The following LDLRAD3 variants were observed in gnomAD, a reference collection of about 807,000 sequenced individuals.
The protein encoded by LDLRAD3 is low density lipoprotein receptor class A domain containing 3.
Under a neutral mutation model 29.4 loss-of-function variants are expected in LDLRAD3, and 20 were observed. The ratio of observed to expected loss-of-function variants is 0.68; its 90% CI spans 0.48 to 0.99. The LOEUF is 0.99. Among genes scored for constraint, LDLRAD3 ranks in the 50% least tolerant of loss-of-function variants. The pLI is 0.00. For missense variants in LDLRAD3, 420 were observed against 454.3 expected (o/e 0.92, Z 0.69); for synonymous variants, 157 against 192.7 (o/e 0.81, Z 1.53).
chr11:36,229,395 T>C lies in LDLRAD3; in HGVS notation c.1036T>C (p.Ter346GlnextTer14). The C allele has an allele frequency of 1.2e-6, 2 of 1,601,306 alleles. No individual in the cohort carries two copies. Among genetic ancestry groups the C allele is most frequent in the Non-Finnish European group, 1.7e-6 (2 of 1,169,320 alleles). Residue 346 changes from the stop codon to glutamine, a stop_lost, in exon 6 of 6, where the codon TAA (stop) becomes CAA (glutamine). Coordinates refer to ENST00000315571, the MANE Select transcript of LDLRAD3 (RefSeq NM_174902.4). ...SEPSQGTEEV[*>Q] ...GCCCAGCCAGGGCACTGAAGAAGTA[T>C]AAGTCCCAGTTATTCCAAAGTCCAT...
chr11:35,955,497 A>G (rs1261698522), intron 1 of LDLRAD3, among the ~76,000 whole-genome samples: 5 of 152,222 alleles, frequency 3.3e-5, no homozygotes, highest in Non-Finnish European at 7.3e-5. Context: ...TCACTTTCGG[A>G]CACGTAGTAA....
intron 5 of LDLRAD3, among the ~76,000 whole-genome samples, chr11:36,228,924 G>A (rs578084431): frequency 4.6e-5 from 7 of 152,340 alleles, no homozygotes; most frequent in Admixed American, 1.3e-4. Flanking sequence ...CTACCCAGAG[G>A]ATGTGGTTTT....
intron 1 of LDLRAD3, among the ~76,000 whole-genome samples, chr11:36,011,796 A>G (rs1348064730): frequency 6.6e-6 from 1 of 152,168 alleles, no homozygotes; most frequent in Non-Finnish European, 1.5e-5. Flanking sequence ...GGGTATAAGT[A>G]GCTACCCGAT....
At chr11:36,082,044 C>A (rs1853124073) in intron 3 of LDLRAD3, among the ~76,000 whole-genome samples, 1 of 152,200 alleles carries the variant, frequency 6.6e-6, no homozygotes, top group Non-Finnish European at 1.5e-5. Flanking sequence ...GATGTATTAT[C>A]CTTAGTTAAC....
chr11:36,140,407 C>T (rs1854064378), intron 4 of LDLRAD3, among the ~76,000 whole-genome samples: 1 of 152,176 alleles, frequency 6.6e-6, no homozygotes, highest in Non-Finnish European at 1.5e-5. Context: ...GGGGATTTGA[C>T]AAATCCTGTG....
rs549877231 is a variant in LDLRAD3 at position 36,229,627 on chromosome 11, T to C, written c.*230T>C. 242 of 470,932 alleles carry C rather than the reference T, an allele frequency of 5.1e-4. No individual in the cohort carries two copies. Among genetic ancestry groups the C allele is most frequent in the Non-Finnish European group, 6.7e-4 (179 of 265,470 alleles). 29.2% of individuals were successfully genotyped at this position (470,932 alleles called of 1,614,324 possible). A position where few individuals can be genotyped will look rare whatever the true frequency, so the allele number is the denominator to read the frequency against. On this transcript the variant is annotated 3_prime_UTR_variant, in exon 6 of 6. Coordinates refer to ENST00000315571, the MANE Select transcript of LDLRAD3 (RefSeq NM_174902.4). ...TCTTTTCTGTCAGGTCACTCTTCCC[T>C]TGGGACCCGAGATCACACCCTCATT...
intron 4 of LDLRAD3, among the ~76,000 whole-genome samples, chr11:36,138,736 A>G (rs1854037315): frequency 6.6e-6 from 1 of 152,218 alleles, no homozygotes; most frequent in African/African-American, 2.4e-5. Context: ...AGAACATGTG[A>G]TGCTTGGGGG....
chr11:36,134,704 G>C (rs1335022051), intron 4 of LDLRAD3, among the ~76,000 whole-genome samples: 1 of 152,210 alleles, frequency 6.6e-6, no homozygotes, highest in Non-Finnish European at 1.5e-5. Flanking sequence ...ACCTCATTGA[G>C]AAATGGAATC....
intron 1 of LDLRAD3, among the ~76,000 whole-genome samples, chr11:35,989,364 T>G (rs1851659136): frequency 6.6e-6 from 1 of 152,248 alleles, no homozygotes. Flanking sequence ...GGCTCTTTTT[T>G]GGTTCCATAT....
At chr11:36,012,116 C>A (rs1004029612) in intron 1 of LDLRAD3, among the ~76,000 whole-genome samples, 1 of 152,070 alleles carries the variant, frequency 6.6e-6, no homozygotes, top group East Asian at 1.9e-4. Context: ...TAGTAGTCTC[C>A]CCTTATCTTC....
intron 4 of LDLRAD3, among the ~76,000 whole-genome samples, chr11:36,168,950 G>A (rs1435948197): frequency 6.6e-6 from 1 of 152,148 alleles, no homozygotes; most frequent in African/African-American, 2.4e-5. Context: ...GTTTAAAAGA[G>A]TTTCACATTG....
chr11:36,009,785 T>C (rs1453504246), intron 1 of LDLRAD3, among the ~76,000 whole-genome samples: 1 of 152,166 alleles, frequency 6.6e-6, no homozygotes, highest in Non-Finnish European at 1.5e-5. Flanking sequence ...AAAGAGCACA[T>C]CAAAAAGGCA....
intron 2 of LDLRAD3, among the ~76,000 whole-genome samples, chr11:36,071,494 C>T (rs375870895): frequency 7.2e-5 from 11 of 152,228 alleles, no homozygotes; most frequent in South Asian, 2.1e-4. Flanking sequence ...CCATCAGTAA[C>T]GGGATTTATG....
chr11:36,127,088 C>T (rs1853849249), intron 4 of LDLRAD3, among the ~76,000 whole-genome samples: 1 of 151,758 alleles, frequency 6.6e-6, no homozygotes, highest in African/African-American at 2.4e-5. Context: ...AAGAAAGACA[C>T]GCATTAAAAA....
chr11:36,039,381 G>A (rs1852352258), intron 2 of LDLRAD3, among the ~76,000 whole-genome samples: 1 of 152,274 alleles, frequency 6.6e-6, no homozygotes, highest in Admixed American at 6.5e-5. Context: ...CTGTGTGATC[G>A]TGGGAAACTT....
chr11:36,005,973 T>A (rs1272994954), intron 1 of LDLRAD3, among the ~76,000 whole-genome samples: 2 of 152,112 alleles, frequency 1.3e-5, no homozygotes, highest in Non-Finnish European at 2.9e-5. Context: ...TTCAGTCACC[T>A]CCTACTAGGC....
In LDLRAD3 at chr11:36,145,034, C is replaced by G. The variant is rs1854159508; in HGVS notation, c.454+46573C>G. Among the ~76,000 whole-genome samples the G allele has an allele frequency of 1.8e-5, 2 of 109,242 alleles. 1 individual carries two copies. The highest frequency in any genetic ancestry group is 3.9e-5 in the Non-Finnish European group (2 of 51,040). 71.7% of individuals were successfully genotyped at this position (109,242 alleles called of 152,430 possible). A position where few individuals can be genotyped will look rare whatever the true frequency, so the allele number is the denominator to read the frequency against. On this transcript the variant is annotated intron_variant, in intron 4 of 5. Transcript: ENST00000315571. ...GCCCCGTCCGGGAGGTGAGGGGCGC[C>G]TCTGCCCGGCCGCCTCTACTGGGAA...
At chr11:36,138,961 C>T (rs1854040217) in intron 4 of LDLRAD3, among the ~76,000 whole-genome samples, 1 of 152,200 alleles carries the variant, frequency 6.6e-6, no homozygotes, top group South Asian at 2.1e-4. Context: ...ACCCATTATG[C>T]CCTAGCTGGT....
At chr11:36,149,359 G>C (rs1254485769) in intron 4 of LDLRAD3, among the ~76,000 whole-genome samples, 2 of 152,168 alleles carry the variant, frequency 1.3e-5, no homozygotes, top group Non-Finnish European at 2.9e-5. Context: ...CAAATGCAAA[G>C]ACCATCCTGG....
Sources: allele counts gnomAD v4.1 joint callset (sites outside exome capture counted in the v4.1 genomes callset), GRCh38; gene constraint gnomAD v4.1.1; transcripts MANE v1.5; gene names NCBI Gene and HGNC (gene_info 2026-07-23, HGNC 2026-07-21).